ELP3: variants seen among roughly 807,000 people sequenced by gnomAD.
ELP3 encodes elongator complex protein 3.
ELP3 carries 56 observed loss-of-function variants against 74.9 expected under a neutral mutation model. The ratio of observed to expected loss-of-function variants is 0.75; its 90% CI spans 0.60 to 0.93. ELP3 has a LOEUF of 0.93. Ranked by LOEUF, ELP3 falls within the 40% of genes least tolerant of loss-of-function variation. The pLI, the probability that ELP3 is intolerant of heterozygous loss-of-function variation, is 0.00. For missense variants in ELP3, 573 were observed against 686.5 expected (o/e 0.83, Z 1.85); for synonymous variants, 222 against 239.8 (o/e 0.93, Z 0.68).
intron 7 of ELP3, among the ~76,000 whole-genome samples, chr8:28,115,655 G>C (rs909084815): frequency 6.6e-6 from 1 of 152,192 alleles, no homozygotes; most frequent in Non-Finnish European, 1.5e-5. Flanking sequence ...GGCACAGAGA[G>C]ATAAGCAATT....
intron 7 of ELP3, among the ~76,000 whole-genome samples, chr8:28,122,481 A>T (rs1376904583): frequency 6.6e-6 from 1 of 152,250 alleles, no homozygotes; most frequent in Non-Finnish European, 1.5e-5. Context: ...TTTAATAGAT[A>T]TAGAGCTATT....
intron 14 of ELP3, among the ~76,000 whole-genome samples, chr8:28,189,445 CTT>C (rs1169192588): frequency 1.3e-5 from 2 of 152,146 alleles, no homozygotes; most frequent in East Asian, 3.8e-4. Context: ...GGGAAAGAGT[CTT>C]CTTCTCTCCA....
rs1815432985 is a variant in ELP3, at chr8:28,190,786, T to TG, written c.*1062dup. On this transcript the variant is annotated 3_prime_UTR_variant, in exon 15 of 15. Coordinates refer to ENST00000256398, the MANE Select transcript of ELP3 (RefSeq NM_018091.6). The stretch of plus-strand genomic sequence containing the variant: ...ATTGGTCAGGCTGGTCTCGAACTCC[T>TG]GACCTCAGGTGATCAACCCACCTTG... 1 of 152,214 alleles carries TG rather than the reference T, an allele frequency of 6.6e-6. No individual in the cohort carries two copies. Among genetic ancestry groups the TG allele is most frequent in the African/African-American group, 2.4e-5 (1 of 41,452 alleles). The allele number at this position is 152,214 out of a possible 1,614,324, so 9.4% of individuals were successfully genotyped here.
intron 10 of ELP3, among the ~76,000 whole-genome samples, chr8:28,146,000 C>T (rs1403122154): frequency 6.6e-6 from 1 of 152,166 alleles, no homozygotes; most frequent in Admixed American, 6.5e-5. Context: ...CAATGTTTCA[C>T]ACTTTTAAAA....
In ELP3 at chr8:28,162,010, T is replaced by A. The variant is rs750882576; in HGVS notation, c.1499T>A (p.Leu500Gln). 6 of 1,614,032 alleles carry A rather than the reference T, an allele frequency of 3.7e-6. No homozygotes were observed. The highest frequency in any genetic ancestry group is 5.1e-6 in the Non-Finnish European group (6 of 1,179,992). ...TKFQHQGFGM[L>Q]LMEEAERIAR... ...TGCTCCGTGCAGGGATTTGGCATGC[T>A]GCTGATGGAGGAAGCAGAAAGAATA... Residue 500 changes from leucine (L) to glutamine (Q), a missense_variant, in exon 14 of 15, where the codon CTG becomes CAG. Coordinates refer to ENST00000256398, the MANE Select transcript of ELP3 (RefSeq NM_018091.6).
chr8:28,171,477 T>A (rs1814523249), intron 14 of ELP3, among the ~76,000 whole-genome samples: 1 of 152,194 alleles, frequency 6.6e-6, no homozygotes, highest in African/African-American at 2.4e-5. Context: ...TAGAGAGATG[T>A]CTATTTGGGT....
intron 5 of ELP3, among the ~76,000 whole-genome samples, chr8:28,108,898 G>A (rs1811805142): frequency 6.6e-6 from 1 of 152,138 alleles, no homozygotes; most frequent in African/African-American, 2.4e-5. Flanking sequence ...GTTAGGAAGG[G>A]ATTCTGTGAA....
At chr8:28,175,737 G>A (rs574271475) in intron 14 of ELP3, among the ~76,000 whole-genome samples, 1 of 150,550 alleles carries the variant, frequency 6.6e-6, no homozygotes, top group African/African-American at 2.4e-5. Flanking sequence ...GTATAATGTG[G>A]TAACTCTGGA....
At chr8:28,167,347 A>G (rs1489253520) in intron 14 of ELP3, among the ~76,000 whole-genome samples, 1 of 152,200 alleles carries the variant, frequency 6.6e-6, no homozygotes, top group Non-Finnish European at 1.5e-5. Context: ...TAATAAAATC[A>G]TATGTGGGCA....
intron 14 of ELP3, among the ~76,000 whole-genome samples, chr8:28,187,129 G>A (rs1428437248): frequency 6.6e-6 from 1 of 152,112 alleles, no homozygotes; most frequent in Non-Finnish European, 1.5e-5. Context: ...ATACCCTGGA[G>A]TCGCCTTGGC....
intron 10 of ELP3, among the ~76,000 whole-genome samples, chr8:28,146,168 G>T (rs1813423354): frequency 6.6e-6 from 1 of 152,066 alleles, no homozygotes; most frequent in Admixed American, 6.5e-5. Flanking sequence ...TTATGAAGCA[G>T]CATCCTAATA....
intron 14 of ELP3, among the ~76,000 whole-genome samples, chr8:28,169,273 GT>G (rs1814426326): frequency 1.3e-5 from 2 of 152,122 alleles, no homozygotes; most frequent in African/African-American, 4.8e-5. Context: ...GTTTGTTCTG[GT>G]TATTTATTAT....
intron 3 of ELP3, among the ~76,000 whole-genome samples, chr8:28,104,735 G>A (rs1489519961): frequency 6.6e-6 from 1 of 152,166 alleles, no homozygotes; most frequent in South Asian, 2.1e-4. Context: ...CCAGTGGTGC[G>A]CAGGTTTGGT....
At chr8:28,102,758 A>G (rs896791002) in intron 3 of ELP3, among the ~76,000 whole-genome samples, 3 of 152,238 alleles carry the variant, frequency 2.0e-5, no homozygotes, top group African/African-American at 7.2e-5. Flanking sequence ...ATTATTAACC[A>G]AAGCCTGTAC....
At chr8:28,100,384 A>G (rs1454551865) in intron 3 of ELP3, among the ~76,000 whole-genome samples, 1 of 152,240 alleles carries the variant, frequency 6.6e-6, no homozygotes, top group African/African-American at 2.4e-5. Context: ...CCCTGCAGCA[A>G]AAGGGGCTGG....
At chr8:28,112,333 A>T (rs1326980299) in intron 6 of ELP3, 1 of 152,090 alleles carries the variant, frequency 6.6e-6, no homozygotes, top group Non-Finnish European at 1.5e-5. Flanking sequence ...GGGTTTCACC[A>T]TGTTGGCCAG....
chr8:28,141,977 C>T (rs577913913), intron 10 of ELP3, among the ~76,000 whole-genome samples: 40 of 152,310 alleles, frequency 2.6e-4, no homozygotes, highest in East Asian at 1.3e-3. Context: ...TTTCTCCCTT[C>T]GTTTTCGGCT....
At chr8:28,097,365 C>A in intron 2 of ELP3, 47 bp downstream of exon 2, 1 of 1,317,062 alleles carries the variant, frequency 7.6e-7, no homozygotes, top group Non-Finnish European at 1.1e-6. Context: ...GGTAGCAGAT[C>A]TCTTTTATGA....
At chr8:28,164,176 A>C (rs1048346223) in intron 14 of ELP3, among the ~76,000 whole-genome samples, 1 of 152,172 alleles carries the variant, frequency 6.6e-6, no homozygotes, top group Non-Finnish European at 1.5e-5. Context: ...TGTTGCATGC[A>C]GAGAGGACCC....
Sources: gnomAD v4.1 joint callset for allele counts (sites outside exome capture counted in the v4.1 genomes callset) on GRCh38, gnomAD v4.1.1 for gene constraint, MANE v1.5 for transcripts, NCBI Gene and HGNC (gene_info 2026-07-23, HGNC 2026-07-21) for gene names.